Variants in AKAP13 observed in about 807,000 individuals in gnomAD.
AKAP13 encodes the protein A-kinase anchor protein 13.
AKAP13 carries 80 observed loss-of-function variants against 264.5 expected under a neutral mutation model. That is an observed-to-expected ratio of 0.30 (90% CI 0.25 to 0.36). AKAP13 has a LOEUF of 0.36. AKAP13 is among the 10% of genes least tolerant of loss of function. AKAP13 has a pLI of 1.00. For synonymous variants in AKAP13, 1,380 were observed against 1,250.2 expected, an observed-to-expected ratio of 1.10 and a Z score of -2.19; for missense variants, 3,712 against 3,435.2, an observed-to-expected ratio of 1.08 and a Z score of -2.01.
At chr15:85,632,268 T>C (rs2081871650) in intron 8 of AKAP13, among the ~76,000 whole-genome samples, 1 of 152,182 alleles carries the variant, frequency 6.6e-6, no homozygotes, top group Non-Finnish European at 1.5e-5. Context: ...CTAAGCCCTA[T>C]GCAGGCAACA....
At chr15:85,553,466 G>T (rs899983558) in intron 5 of AKAP13, among the ~76,000 whole-genome samples, 3 of 152,130 alleles carry the variant, frequency 2.0e-5, no homozygotes, top group African/African-American at 7.2e-5. Context: ...TCTTCCTAAG[G>T]TTATCTAGCC....
chr15:85,596,072 C>G (rs2079812755), intron 8 of AKAP13, among the ~76,000 whole-genome samples: 2 of 152,184 alleles, frequency 1.3e-5, no homozygotes, highest in South Asian at 4.1e-4. Context: ...ACCTGAGCAA[C>G]TGGGACAGTG....
intron 1 of AKAP13, among the ~76,000 whole-genome samples, chr15:85,399,757 A>G (rs1175789851): frequency 3.3e-5 from 5 of 151,950 alleles, no homozygotes; most frequent in Non-Finnish European, 7.4e-5. Context: ...AAAGTCACTG[A>G]TATCATGTTC....
intron 8 of AKAP13, among the ~76,000 whole-genome samples, chr15:85,606,365 G>T (rs1009719739): frequency 6.6e-6 from 1 of 152,088 alleles, no homozygotes; most frequent in African/African-American, 2.4e-5. Flanking sequence ...GCCTCCCAAA[G>T]TGCTGGGATT....
intron 8 of AKAP13, among the ~76,000 whole-genome samples, chr15:85,631,678 G>T (rs1567165548): frequency 6.6e-6 from 1 of 152,114 alleles, no homozygotes; most frequent in Admixed American, 6.5e-5. Flanking sequence ...TGGTTTCTTA[G>T]TATTGACAAC....
chr15:85,580,400 G>A lies in AKAP13; in HGVS notation c.2332G>A (p.Ala778Thr). ...GGAGAAAGAACTGGTGCCAGACCAG[G>A]CAGTAATATCAGACAGTACTTTCTC... ...KMEKELVPDQAVISDSTFSLA... is the reference protein window; with the variant it reads ...KMEKELVPDQTVISDSTFSLA... The change falls in exon 7 of 37, where the codon GCA (alanine) becomes ACA (threonine). Residue 778 changes from alanine (A) to threonine (T), a missense_variant. Physicochemically the swap from Ala to Thr is moderately conservative, Grantham distance 58 (BLOSUM62 0). Coordinates refer to ENST00000394518, the MANE Select transcript of AKAP13 (RefSeq NM_007200.5). 1 of 1,614,188 alleles carries A rather than the reference G, an allele frequency of 6.2e-7. No individual in the cohort carries two copies. The highest frequency in any genetic ancestry group is 1.3e-5 in the African/African-American group (1 of 75,050).
intron 11 of AKAP13, among the ~76,000 whole-genome samples, chr15:85,656,551 A>T (rs1233742901): frequency 1.3e-5 from 2 of 151,936 alleles, no homozygotes; most frequent in African/African-American, 4.8e-5. Flanking sequence ...GGTTCACTCC[A>T]TTCTCCTGCC....
In AKAP13 at chr15:85,736,073, T is replaced by A. The variant is rs777681693; in HGVS notation, c.7513-17T>A. The A allele has an allele frequency of 1.3e-6, 2 of 1,574,024 alleles. No homozygotes were observed. The highest frequency in any genetic ancestry group is 8.7e-7 in the Non-Finnish European group (1 of 1,144,470). ...CAAGATCTTCATTTTTTTATATGTATGTTTTTTGTTTTATAGGGTGGAAAT... is the reference window on the plus strand; with the variant it reads ...CAAGATCTTCATTTTTTTATATGTAAGTTTTTTGTTTTATAGGGTGGAAAT... On this transcript the variant is annotated splice_polypyrimidine_tract_variant and intron_variant, in intron 32 of 36. Coordinates refer to ENST00000394518, the MANE Select transcript of AKAP13 (RefSeq NM_007200.5).
At chr15:85,723,937 C>T (rs554520044) in intron 26 of AKAP13, among the ~76,000 whole-genome samples, 3 of 152,294 alleles carry the variant, frequency 2.0e-5, no homozygotes, top group African/African-American at 7.2e-5. Flanking sequence ...TCAGCCGTAT[C>T]AAGTTAAAGA....
intron 5 of AKAP13, among the ~76,000 whole-genome samples, chr15:85,567,357 C>T (rs191890742): frequency 1.1e-3 from 161 of 152,286 alleles, no homozygotes; most frequent in East Asian, 5.0e-3. Flanking sequence ...CCACCCACCT[C>T]GGCCTCCCAA....
At chr15:85,549,676 A>C (rs946725636) in intron 5 of AKAP13, among the ~76,000 whole-genome samples, 1 of 152,232 alleles carries the variant, frequency 6.6e-6, no homozygotes, top group Admixed American at 6.5e-5. Context: ...GCCAAGGCCC[A>C]TATTCTTCCC....
intron 1 of AKAP13, among the ~76,000 whole-genome samples, chr15:85,446,019 T>C (rs980408095): frequency 6.6e-6 from 1 of 152,222 alleles, no homozygotes; most frequent in Non-Finnish European, 1.5e-5. Context: ...TTCTATTTAT[T>C]TTGATTTAGT....
Position 85,693,470 on chromosome 15 carries a change from C to T in AKAP13, c.5464+19C>T, listed in dbSNP as rs1339621438. ...TGTGCAAGTAAGAGACATGCTTCTT[C>T]CTCTCGTAAGATGGAACTCTCTTGG... On this transcript the variant is annotated intron_variant, in intron 17 of 36. Transcript: ENST00000394518. 27 of 1,609,348 alleles carry T rather than the reference C, an allele frequency of 1.7e-5. 1 individual carries two copies. Among genetic ancestry groups the T allele is most frequent in the Middle Eastern group, 1.6e-4 (1 of 6,078 alleles).
chr15:85,437,067 C>T (rs2073341550), intron 1 of AKAP13, among the ~76,000 whole-genome samples: 1 of 145,168 alleles, frequency 6.9e-6, no homozygotes, highest in Admixed American at 6.9e-5. Flanking sequence ...ATTGATAGAC[C>T]ACTAGCAAGA....
At chr15:85,535,541 G>A (rs1335842790) in intron 4 of AKAP13, 1 of 152,120 alleles carries the variant, frequency 6.6e-6, no homozygotes. Flanking sequence ...TATAAACCTG[G>A]TGATGGGCCT....
intron 8 of AKAP13, among the ~76,000 whole-genome samples, chr15:85,635,752 G>A (rs1199766885): frequency 1.3e-5 from 2 of 152,116 alleles, no homozygotes; most frequent in Non-Finnish European, 2.9e-5. Flanking sequence ...TTTGGGGTAA[G>A]ATTTTAGATC....
At chr15:85,479,048 C>T (rs1465479193) in intron 1 of AKAP13, among the ~76,000 whole-genome samples, 1 of 152,216 alleles carries the variant, frequency 6.6e-6, no homozygotes, top group Non-Finnish European at 1.5e-5. Flanking sequence ...AAAAGTAAAG[C>T]ATTCATGAGG....
In AKAP13 at chr15:85,736,074, G is replaced by C. The variant is rs1416203884; in HGVS notation, c.7513-16G>C. The C allele has an allele frequency of 1.3e-6, 2 of 1,581,186 alleles. No individual in the cohort carries two copies. Among genetic ancestry groups the C allele is most frequent in the African/African-American group, 2.7e-5 (2 of 74,190 alleles). ...AAGATCTTCATTTTTTTATATGTAT[G>C]TTTTTTGTTTTATAGGGTGGAAATG... is the stretch of plus-strand genomic sequence containing the variant. On this transcript the variant is annotated splice_polypyrimidine_tract_variant and intron_variant, in intron 32 of 36. Transcript: ENST00000394518.
At chr15:85,518,768 G>C (rs1233305903) in intron 2 of AKAP13, among the ~76,000 whole-genome samples, 5 of 152,212 alleles carry the variant, frequency 3.3e-5, no homozygotes, top group Non-Finnish European at 5.9e-5. Context: ...ACTGCAGGCT[G>C]TGGTGAGCCC....
Sources: gnomAD v4.1 joint callset for allele counts (sites outside exome capture counted in the v4.1 genomes callset) on GRCh38, gnomAD v4.1.1 for gene constraint, MANE v1.5 for transcripts, NCBI Gene and HGNC (gene_info 2026-07-23, HGNC 2026-07-21) for gene names.